The following HMCN1 variants were observed in gnomAD, a reference collection of about 807,000 sequenced individuals.
The protein encoded by HMCN1 is hemicentin-1.
A neutral mutation model predicts 625.9 loss-of-function variants in HMCN1; 321 were observed. The ratio of observed to expected loss-of-function variants is 0.51; its 90% CI spans 0.47 to 0.56. The LOEUF is 0.56. Among genes scored for constraint, HMCN1 ranks in the 20% least tolerant of loss-of-function variants. The pLI is 0.00. For missense variants in HMCN1, 6,588 were observed against 6,887.3 expected (o/e 0.96, Z 1.54); for synonymous variants, 2,425 against 2,417.6 (o/e 1.00, Z -0.09).
chr1:185,788,581 C>G (rs1271024457), intron 1 of HMCN1, among the ~76,000 whole-genome samples: 2 of 152,054 alleles, frequency 1.3e-5, no homozygotes, highest in Non-Finnish European at 2.9e-5. Context: ...TTACAGGAAG[C>G]CATTGTAATT....
Position 186,095,415 on chromosome 1 carries a change from G to T in HMCN1, c.10467G>T (p.Met3489Ile), listed in dbSNP as rs757041629. The change falls in exon 68 of 107, where the codon ATG becomes ATT. Residue 3489 changes from methionine (M) to isoleucine (I), a missense_variant. By Grantham distance (10) the Met-to-Ile change is conservative. Around this residue, in one of 3 missense-constraint regions of HMCN1, gnomAD observed 4,628 missense variants for 4,853.1 expected, o/e 0.95. Coordinates refer to ENST00000271588, the MANE Select transcript of HMCN1 (RefSeq NM_031935.3). ...ATCTGACAGTCAGCACCCATGGAAT[G>T]GTCCTGCAGCTCCTCAAAGCAGAGA... Reference protein sequence around the residue: ...DAHLTVSTHGMVLQLLKAETE... With the variant: ...DAHLTVSTHGIVLQLLKAETE... 41 of 1,613,708 alleles carry T rather than the reference G, an allele frequency of 2.5e-5. No homozygotes were observed. In the South Asian group the frequency reaches 4.5e-4, roughly 18 times the overall value.
At chr1:185,973,827 T>C (rs1483479718) in intron 15 of HMCN1, among the ~76,000 whole-genome samples, 2 of 152,130 alleles carry the variant, frequency 1.3e-5, no homozygotes, top group East Asian at 1.9e-4. Context: ...GTGATTTTAT[T>C]TGTAGCATTC....
rs187247202 is a variant in HMCN1 at position 185,834,631 on chromosome 1, C to A, written c.269-11395C>A. Among the ~76,000 whole-genome samples the A allele has an allele frequency of 6.6e-5, 10 of 152,280 alleles. No individual in the cohort carries two copies. The East Asian group carries it at 1.9e-3, about 29-fold the overall frequency. Reference sequence around the variant, plus strand: ...CTTAATCTTGGTAGTGACATCTCATCATCTTTGCTCTATTCTTTTTTTAGA... The same window carrying A: ...CTTAATCTTGGTAGTGACATCTCATAATCTTTGCTCTATTCTTTTTTTAGA... On this transcript the variant is annotated intron_variant, in intron 1 of 106. Transcript: ENST00000271588.
chr1:185,884,278 G>C (rs1029412332), intron 4 of HMCN1, among the ~76,000 whole-genome samples: 1 of 151,784 alleles, frequency 6.6e-6, no homozygotes, highest in African/African-American at 2.4e-5. Flanking sequence ...TTCCTTTGTA[G>C]AAAGTGGTTC....
chr1:185,827,592 AAGATT>A (rs1263186194), intron 1 of HMCN1, among the ~76,000 whole-genome samples: 3 of 152,126 alleles, frequency 2.0e-5, no homozygotes, highest in Non-Finnish European at 4.4e-5. Flanking sequence ...AGAGTTTTAA[AAGATT>A]AGACAGAAAA....
intron 15 of HMCN1, among the ~76,000 whole-genome samples, chr1:185,976,608 A>G (rs1046237869): frequency 1.5e-4 from 23 of 152,166 alleles, no homozygotes; most frequent in Admixed American, 2.6e-4. Flanking sequence ...AGTTGAACTG[A>G]CTTGGCTTTT....
In HMCN1 at chr1:185,793,605, G is replaced by A. The variant is rs138859879; in HGVS notation, c.269-52421G>A. 1.5e-3 allele frequency among the ~76,000 whole-genome samples: 222 copies of A among 152,286 alleles called. 1 individual carries two copies. Among genetic ancestry groups the A allele is most frequent in the Non-Finnish European group, 2.8e-3 (191 of 68,006 alleles). On this transcript the variant is annotated intron_variant, in intron 1 of 106. Transcript: ENST00000271588. ...GGAGGCCATTATTCTGCCTATCATA[G>A]TTACCTTAATATGGAAGTGTCTAAA... is the stretch of plus-strand genomic sequence containing the variant.
At chr1:185,772,974 C>T (rs1219377450) in intron 1 of HMCN1, among the ~76,000 whole-genome samples, 1 of 152,130 alleles carries the variant, frequency 6.6e-6, no homozygotes, top group Non-Finnish European at 1.5e-5. Context: ...GCTCTGCTTT[C>T]ATGACATAAA....
intron 99 of HMCN1, 53 bp downstream of exon 99, chr1:186,166,356 A>G: frequency 6.2e-7 from 1 of 1,609,134 alleles, no homozygotes; most frequent in South Asian, 1.1e-5. Context: ...GATTTCTTTG[A>G]CCTAGAAAAA....
At chr1:186,044,833 T>C (rs1336839252) in intron 40 of HMCN1, among the ~76,000 whole-genome samples, 1 of 152,178 alleles carries the variant, frequency 6.6e-6, no homozygotes, top group East Asian at 1.9e-4. Context: ...TGAGAAGTTA[T>C]GGAGCCCACC....
chr1:185,943,405 C>T (rs911358615), intron 11 of HMCN1, among the ~76,000 whole-genome samples: 2 of 152,170 alleles, frequency 1.3e-5, no homozygotes, highest in African/African-American at 2.4e-5. Context: ...AGATACACAA[C>T]CGTTGTCTGC....
intron 15 of HMCN1, among the ~76,000 whole-genome samples, chr1:185,975,997 A>C (rs1024922422): frequency 5.9e-5 from 9 of 152,322 alleles, no homozygotes; most frequent in Admixed American, 1.3e-4. Context: ...ATAATGCCCA[A>C]AGTACTATGT....
chr1:185,859,128 TTGTG>T (rs59835697), intron 2 of HMCN1, among the ~76,000 whole-genome samples: 2,464 of 138,314 alleles, frequency 0.018, 34 homozygotes, highest in South Asian at 0.039. Context: ...TTTATAAACT[TTGTG>T]TGTGTGTGTG....
intron 1 of HMCN1, among the ~76,000 whole-genome samples, chr1:185,762,256 T>C (rs911229576): frequency 6.6e-5 from 10 of 152,218 alleles, no homozygotes; most frequent in African/African-American, 2.4e-4. Context: ...CCATATATTT[T>C]TTAAATGAAT....
chr1:185,980,604 G>C (rs1651552764), intron 16 of HMCN1, among the ~76,000 whole-genome samples: 1 of 151,286 alleles, frequency 6.6e-6, no homozygotes, highest in Admixed American at 6.6e-5. Context: ...TGGTGGTGCA[G>C]AGCACCACCA....
intron 4 of HMCN1, among the ~76,000 whole-genome samples, chr1:185,905,476 C>T (rs922240344): frequency 1.1e-4 from 17 of 151,722 alleles, no homozygotes; most frequent in African/African-American, 4.1e-4. Context: ...AACACCTCAC[C>T]ATACTTCCCC....
intron 16 of HMCN1, chr1:185,978,201 G>A (rs764059893): frequency 1.8e-5 from 9 of 487,660 alleles, no homozygotes; most frequent in Non-Finnish European, 3.3e-5. Context: ...TATCATAAGG[G>A]CTTATGAAAC....
At chr1:186,102,477 CAAA>C (rs1660427002) in intron 68 of HMCN1, among the ~76,000 whole-genome samples, 1 of 151,930 alleles carries the variant, frequency 6.6e-6, no homozygotes, top group South Asian at 2.1e-4. Context: ...CAGAAACACA[CAAA>C]AAAGTGTATA....
chr1:186,003,922 C>A, intron 29 of HMCN1, 78 bp downstream of exon 29: 1 of 1,366,446 alleles, frequency 7.3e-7, no homozygotes. Context: ...GATTTTCTCC[C>A]TCTTAATTAT....
Sources: allele counts gnomAD v4.1 joint callset (sites outside exome capture counted in the v4.1 genomes callset), GRCh38; gene constraint gnomAD v4.1.1; regional missense constraint gnomAD v4.1.1; transcripts MANE v1.5; gene names NCBI Gene and HGNC (gene_info 2026-07-23, HGNC 2026-07-21).